TSPAN2: variants seen among roughly 807,000 people sequenced by gnomAD.
The protein encoded by TSPAN2 is tetraspanin 2.
Under a neutral mutation model 33.3 loss-of-function variants are expected in TSPAN2, and 24 were observed. The ratio of observed to expected loss-of-function variants is 0.72; its 90% confidence interval spans 0.52 to 1.01. The LOEUF is 1.01. Among genes scored for constraint, TSPAN2 ranks in the 50% least tolerant of loss-of-function variants. The pLI, the probability that TSPAN2 is intolerant of heterozygous loss-of-function variation, is 0.00. For missense variants in TSPAN2, 278 were observed against 281.3 expected (o/e 0.99, Z 0.08); for synonymous variants, 114 against 104.5 (o/e 1.09, Z -0.56).
chr1:115,062,494 C>A (rs1647777222), intron 2 of TSPAN2, among the ~76,000 whole-genome samples: 1 of 152,204 alleles, frequency 6.6e-6, no homozygotes, highest in African/African-American at 2.4e-5. Context: ...CTCTGTCTTG[C>A]ATCTCTAGTG....
chr1:115,079,399 T>C (rs932041570), intron 1 of TSPAN2, among the ~76,000 whole-genome samples: 4 of 152,214 alleles, frequency 2.6e-5, no homozygotes, highest in African/African-American at 9.6e-5. Flanking sequence ...ATTATTGATC[T>C]GATTGTAAAC....
At chr1:115,073,404 C>T (rs1250147310) in intron 1 of TSPAN2, among the ~76,000 whole-genome samples, 5 of 152,138 alleles carry the variant, frequency 3.3e-5, no homozygotes, top group East Asian at 1.9e-4. Flanking sequence ...CACACCACAA[C>T]GAGAGGTGAC....
chr1:115,055,217 C>T (rs1647346553), intron 6 of TSPAN2, among the ~76,000 whole-genome samples: 1 of 152,078 alleles, frequency 6.6e-6, no homozygotes, highest in African/African-American at 2.4e-5. Flanking sequence ...TGCCATTAGG[C>T]CCTCCTTCCC....
chr1:115,080,896 C>T (rs1462778204), intron 1 of TSPAN2, among the ~76,000 whole-genome samples: 1 of 152,176 alleles, frequency 6.6e-6, no homozygotes. Flanking sequence ...TGTGACATCT[C>T]ATCTATATAG....
chr1:115,052,153 C>T (rs949768886), intron 7 of TSPAN2, among the ~76,000 whole-genome samples: 2 of 152,166 alleles, frequency 1.3e-5, no homozygotes, highest in Non-Finnish European at 2.9e-5. Flanking sequence ...CAGGCTATCC[C>T]CAGAGCAGGT....
chr1:115,088,188 T>C (rs1006598183), intron 1 of TSPAN2, among the ~76,000 whole-genome samples: 15 of 152,194 alleles, frequency 9.9e-5, no homozygotes, highest in African/African-American at 3.4e-4. Context: ...ACTGAAGAGC[T>C]TGGAGTTGCT....
intron 3 of TSPAN2, among the ~76,000 whole-genome samples, 176 bp downstream of exon 3, chr1:115,061,959 T>C (rs1483302623): frequency 6.6e-6 from 1 of 152,102 alleles, no homozygotes; most frequent in Admixed American, 6.5e-5. Flanking sequence ...CGGCCCTAGT[T>C]AGTATTATTC....
chr1:115,071,890 C>A (rs192699344), intron 2 of TSPAN2, among the ~76,000 whole-genome samples: 1 of 151,622 alleles, frequency 6.6e-6, no homozygotes, highest in Non-Finnish European at 1.5e-5. Flanking sequence ...TGAGTGGGGC[C>A]TGCGCTCTCT....
chr1:115,085,598 TAA>T (rs1648802593), intron 1 of TSPAN2, among the ~76,000 whole-genome samples: 1 of 152,260 alleles, frequency 6.6e-6, no homozygotes, highest in South Asian at 2.1e-4. Flanking sequence ...CAGTCACAGC[TAA>T]AGTCTGGCCT....
At chr1:115,060,904 G>A (rs997036974) in intron 3 of TSPAN2, among the ~76,000 whole-genome samples, 1 of 152,064 alleles carries the variant, frequency 6.6e-6, no homozygotes, top group Non-Finnish European at 1.5e-5. Context: ...AATACTTGAC[G>A]AACACAAAAG....
chr1:115,061,201 C>T (rs1264950135), intron 3 of TSPAN2, among the ~76,000 whole-genome samples: 3 of 152,194 alleles, frequency 2.0e-5, no homozygotes, highest in Non-Finnish European at 2.9e-5. Context: ...TCAGAGGCTA[C>T]GGCCAGAGTT....
chr1:115,075,928 T>A (rs1440738103), intron 1 of TSPAN2, among the ~76,000 whole-genome samples: 1 of 152,156 alleles, frequency 6.6e-6, no homozygotes, highest in Non-Finnish European at 1.5e-5. Flanking sequence ...TCCTTGCATG[T>A]TTATTAAGAA....
intron 2 of TSPAN2, among the ~76,000 whole-genome samples, chr1:115,066,694 A>T (rs1310359853): frequency 6.6e-6 from 1 of 152,094 alleles, no homozygotes; most frequent in Admixed American, 6.6e-5. Context: ...TTTATTTGAA[A>T]TTTTTTTATG....
At chr1:115,082,540 T>G (rs1648666631) in intron 1 of TSPAN2, among the ~76,000 whole-genome samples, 1 of 152,254 alleles carries the variant, frequency 6.6e-6, no homozygotes, top group African/African-American at 2.4e-5. Flanking sequence ...TGCTTACTAT[T>G]CTTCAAGTTT....
intron 2 of TSPAN2, among the ~76,000 whole-genome samples, chr1:115,067,744 C>A (rs545252904): frequency 1.3e-5 from 2 of 152,300 alleles, no homozygotes; most frequent in East Asian, 1.9e-4. Context: ...GTGGCTCCTG[C>A]GTGTGTGGGC....
At chr1:115,075,031 C>A (rs1648347553) in intron 1 of TSPAN2, among the ~76,000 whole-genome samples, 1 of 152,202 alleles carries the variant, frequency 6.6e-6, no homozygotes, top group South Asian at 2.1e-4. Context: ...CCAAAGCCAG[C>A]AGCCACCGAG....
intron 6 of TSPAN2, among the ~76,000 whole-genome samples, chr1:115,057,335 A>G (rs1241549342): frequency 6.6e-6 from 1 of 152,192 alleles, no homozygotes; most frequent in Non-Finnish European, 1.5e-5. Flanking sequence ...GGCCCTCTTT[A>G]ACATCTCTTG....
intron 1 of TSPAN2, among the ~76,000 whole-genome samples, chr1:115,074,598 G>A (rs1288999633): frequency 6.6e-6 from 1 of 152,174 alleles, no homozygotes; most frequent in Non-Finnish European, 1.5e-5. Flanking sequence ...CATATTGAAA[G>A]GAGTTTTGCT....
intron 1 of TSPAN2, among the ~76,000 whole-genome samples, chr1:115,082,861 A>T (rs530389773): frequency 6.6e-6 from 1 of 152,370 alleles, no homozygotes; most frequent in East Asian, 1.9e-4. Flanking sequence ...CATGGGGTTT[A>T]AAGTCAGAAG....
Sources: allele counts gnomAD v4.1 joint callset (sites outside exome capture counted in the v4.1 genomes callset), GRCh38; gene constraint gnomAD v4.1.1; transcripts MANE v1.5; gene names NCBI Gene and HGNC (gene_info 2026-07-23, HGNC 2026-07-21).